The following SLC25A36 variants were observed in gnomAD, a reference collection of about 807,000 sequenced individuals.
The protein encoded by SLC25A36 is solute carrier family 25 member 36, also known as epididymis secretory sperm binding protein.
A neutral mutation model predicts 35.3 loss-of-function variants in SLC25A36; 24 were observed. The observed-to-expected ratio is 0.68, with a 90% CI of 0.49 to 0.96. The LOEUF (loss-of-function observed/expected upper bound fraction) is 0.96. Among genes scored for constraint, SLC25A36 ranks in the 40% least tolerant of loss-of-function variants. SLC25A36 has a pLI of 0.00. For synonymous variants in SLC25A36, 141 were observed against 132.2 expected (o/e 1.07, Z -0.46); for missense variants, 294 against 381.1 (o/e 0.77, Z 1.90).
chr3:140,968,789 T>A (rs892032041), intron 4 of SLC25A36: 8 of 636,354 alleles, frequency 1.3e-5, no homozygotes, highest in Admixed American at 6.4e-5. Context: ...AAAAAAAACT[T>A]AGGTGCTCAT....
chr3:140,943,539 G>A (rs1413860850), intron 1 of SLC25A36, among the ~76,000 whole-genome samples: 1 of 152,222 alleles, frequency 6.6e-6, no homozygotes, highest in Non-Finnish European at 1.5e-5. Context: ...CTATGTAGAT[G>A]CTCTTGAAAA....
At chr3:140,959,074 G>A (rs1934563808) in intron 2 of SLC25A36, among the ~76,000 whole-genome samples, 1 of 146,170 alleles carries the variant, frequency 6.8e-6, no homozygotes, top group African/African-American at 2.5e-5. Flanking sequence ...GGAGTGCAGT[G>A]GCGCAATCTT....
Position 140,951,393 on chromosome 3 carries a change from G to T in SLC25A36, c.42-5134G>T, listed in dbSNP as rs146009650. Reference sequence around the variant, plus strand: ...AGTGTCACCCCTATACTACACATCTGTTGCATTCTATAATGTAAAACTGCT... The same window carrying T: ...AGTGTCACCCCTATACTACACATCTTTTGCATTCTATAATGTAAAACTGCT... On this transcript the variant is annotated intron_variant, in intron 1 of 6. Coordinates refer to ENST00000324194, the MANE Select transcript of SLC25A36 (RefSeq NM_001104647.3). Among the ~76,000 whole-genome samples, 502 of 152,310 alleles carry T rather than the reference G, an allele frequency of 3.3e-3. 9 individuals carry two copies. Among genetic ancestry groups the T allele is most frequent in the African/African-American group, 0.012 (482 of 41,554 alleles).
chr3:140,948,594 A>G (rs2107782022), intron 1 of SLC25A36, among the ~76,000 whole-genome samples: 1 of 152,366 alleles, frequency 6.6e-6, no homozygotes, highest in Admixed American at 6.5e-5. Context: ...ACACTGCTTA[A>G]AGTTAATAAA....
intron 6 of SLC25A36, among the ~76,000 whole-genome samples, chr3:140,975,023 T>C (rs181080046): frequency 3.4e-5 from 5 of 148,252 alleles, no homozygotes; most frequent in Non-Finnish European, 6.0e-5. Flanking sequence ...AGTTTTGGGG[T>C]TTAAACAGTC....
chr3:140,942,315 C>T (rs944256242), intron 1 of SLC25A36: 5 of 412,848 alleles, frequency 1.2e-5, no homozygotes, highest in Non-Finnish European at 2.1e-5. Context: ...GGCCCGGGCC[C>T]GAGGGCGAGA....
intron 1 of SLC25A36, among the ~76,000 whole-genome samples, chr3:140,944,243 T>C (rs904143923): frequency 2.6e-5 from 4 of 152,212 alleles, no homozygotes; most frequent in Admixed American, 2.0e-4. Flanking sequence ...ATAAGTAGAA[T>C]TGTAATATTC....
chr3:140,954,801 G>T (rs1934434609), intron 1 of SLC25A36, among the ~76,000 whole-genome samples: 3 of 152,206 alleles, frequency 2.0e-5, no homozygotes, highest in African/African-American at 7.2e-5. Context: ...CTTTCATTGT[G>T]TTAGCAGTTT....
At chr3:140,945,749 AAAAAAAGCCAGTTT>A in intron 1 of SLC25A36, among the ~76,000 whole-genome samples, 1 of 152,090 alleles carries the variant, frequency 6.6e-6, no homozygotes, top group Non-Finnish European at 1.5e-5. Flanking sequence ...TAAAAAAAAA[AAAAAAAGCCAGTTT>A]AACCTAAGAA....
intron 4 of SLC25A36, among the ~76,000 whole-genome samples, chr3:140,967,758 T>A (rs977791360): frequency 3.3e-5 from 5 of 151,916 alleles, no homozygotes; most frequent in Admixed American, 2.6e-4. Context: ...TTTTTAAAAA[T>A]TTTTTAAGCT....
intron 1 of SLC25A36, among the ~76,000 whole-genome samples, chr3:140,949,428 T>G (rs1180854659): frequency 6.6e-6 from 1 of 152,240 alleles, no homozygotes; most frequent in Admixed American, 6.5e-5. Context: ...TATAAAATGC[T>G]TTAGTGATAC....
intron 1 of SLC25A36, among the ~76,000 whole-genome samples, chr3:140,956,037 G>A (rs1439887433): frequency 6.6e-6 from 1 of 152,136 alleles, no homozygotes; most frequent in Non-Finnish European, 1.5e-5. Flanking sequence ...AATATTTGGG[G>A]ATTTAAAATA....
rs542006236 is a variant in SLC25A36 at position 140,944,052 on chromosome 3, C to A, written c.41+1957C>A. Among the ~76,000 whole-genome samples the A allele has an allele frequency of 4.6e-5, 7 of 152,202 alleles. No individual in the cohort carries two copies. In the South Asian group the frequency reaches 1.5e-3, roughly 32 times the overall value. ...GGTGCTCAGCCGTATAATTTCTCTT[C>A]CTTTGCATCTCATCTTGATTTTATT... On this transcript the variant is annotated intron_variant, in intron 1 of 6. Transcript: ENST00000324194.
rs61708145 is a variant in SLC25A36, at chr3:140,978,317, G to T, written c.*1864G>T. The T allele has an allele frequency of 6.6e-6, 1 of 152,130 alleles. No homozygotes were observed. The highest frequency in any genetic ancestry group is 2.4e-5 in the African/African-American group (1 of 41,520). 9.4% of individuals were successfully genotyped at this position (152,130 alleles called of 1,614,324 possible). On this transcript the variant is annotated 3_prime_UTR_variant, in exon 7 of 7. Coordinates refer to ENST00000324194, the MANE Select transcript of SLC25A36 (RefSeq NM_001104647.3). ...AGCTTTGACATGTATTATGAGGAAC[G>T]TACCAAAAACCGGTTTGTAACAAAT... is the stretch of plus-strand genomic sequence containing the variant.
intron 2 of SLC25A36, chr3:140,957,121 C>T (rs1934500495): frequency 6.5e-6 from 1 of 152,684 alleles, no homozygotes; most frequent in South Asian, 2.1e-4. Context: ...AGTTCTAATG[C>T]TGTTCAGTAT....
At chr3:140,946,022 G>A (rs1934154578) in intron 1 of SLC25A36, among the ~76,000 whole-genome samples, 1 of 152,042 alleles carries the variant, frequency 6.6e-6, no homozygotes, top group South Asian at 2.1e-4. Flanking sequence ...AAAGTTTACT[G>A]GTATAGTTCA....
rs1208032872 is a variant in SLC25A36 at position 140,943,313 on chromosome 3, ATT to A, written c.41+1219_41+1220del. ...GCTTTGAGTTGGACATATGGACTCT[ATT>A]GAGCCAGTGATGGCAATACTTTCTT... On this transcript the variant is annotated intron_variant, in intron 1 of 6. Coordinates refer to ENST00000324194, the MANE Select transcript of SLC25A36 (RefSeq NM_001104647.3). 6.6e-5 allele frequency among the ~76,000 whole-genome samples: 10 copies of A among 152,342 alleles called. No individual in the cohort carries two copies. The South Asian group carries it at 2.1e-3, about 32-fold the overall frequency.
chr3:140,971,179 A>G (rs1047260821), intron 5 of SLC25A36, among the ~76,000 whole-genome samples, 186 bp downstream of exon 5: 1 of 152,144 alleles, frequency 6.6e-6, no homozygotes, highest in Non-Finnish European at 1.5e-5. Flanking sequence ...TGAAAAAAGT[A>G]TATTATTAAT....
At chr3:140,956,727 G>T (rs763465792) in intron 2 of SLC25A36, 36 bp downstream of exon 2, 3 of 1,537,820 alleles carry the variant, frequency 2.0e-6, no homozygotes, top group Admixed American at 2.1e-5. Flanking sequence ...TTTTTAGTTT[G>T]TTTGCGTTAG....
Sources: gnomAD v4.1 joint callset for allele counts (sites outside exome capture counted in the v4.1 genomes callset) on GRCh38, gnomAD v4.1.1 for gene constraint, MANE v1.5 for transcripts, NCBI Gene and HGNC (gene_info 2026-07-23, HGNC 2026-07-21) for gene names.